CCDC15: variants seen among roughly 807,000 people sequenced by gnomAD.
CCDC15 encodes coiled-coil domain-containing protein 15.
Under a neutral mutation model 114.5 loss-of-function variants are expected in CCDC15, and 105 were observed. That is an observed-to-expected ratio of 0.92 (90% confidence interval 0.78 to 1.08). CCDC15 has a LOEUF of 1.08. Ranked by LOEUF, CCDC15 falls within the 50% of genes least tolerant of loss-of-function variation. The pLI, the probability that CCDC15 is intolerant of heterozygous loss-of-function variation, is 0.00. For synonymous variants in CCDC15, 334 were observed against 377.8 expected (o/e 0.88, Z 1.34); for missense variants, 1,105 against 1,093.6 (o/e 1.01, Z -0.15).
chr11:125,019,131 TG>T (rs891313048), intron 13 of CCDC15, among the ~76,000 whole-genome samples: 4 of 151,948 alleles, frequency 2.6e-5, no homozygotes, highest in Admixed American at 2.0e-4. Flanking sequence ...AGTGGCATCA[TG>T]GGGATAAGAT....
At chr11:125,006,342 T>A (rs539867949) in intron 13 of CCDC15, among the ~76,000 whole-genome samples, 3 of 152,366 alleles carry the variant, frequency 2.0e-5, no homozygotes, top group African/African-American at 7.2e-5. Context: ...CACATGCTTA[T>A]TTGTCATCTG....
At chr11:125,016,413 T>G (rs977634561) in intron 13 of CCDC15, among the ~76,000 whole-genome samples, 1 of 152,146 alleles carries the variant, frequency 6.6e-6, no homozygotes, top group Non-Finnish European at 1.5e-5. Context: ...AAAAAAAATC[T>G]TTATCAAGTT....
chr11:125,007,318 TGA>T (rs1329086131), intron 13 of CCDC15, among the ~76,000 whole-genome samples: 3 of 152,190 alleles, frequency 2.0e-5, no homozygotes, highest in African/African-American at 7.2e-5. Flanking sequence ...CACATGTGAG[TGA>T]GAACATGCGA....
At chr11:125,028,659 TTAC>T (rs1273612146) in intron 13 of CCDC15, among the ~76,000 whole-genome samples, 1 of 152,222 alleles carries the variant, frequency 6.6e-6, no homozygotes, top group Non-Finnish European at 1.5e-5. Flanking sequence ...TCCTGAAACT[TTAC>T]TGAGTTCATT....
At chr11:124,977,779 T>C (rs11219856) in intron 6 of CCDC15, among the ~76,000 whole-genome samples, 179 bp downstream of exon 6, 31,720 of 152,102 alleles carry the variant, frequency 0.21, 4,025 homozygotes, top group African/African-American at 0.35. Context: ...TGGTTTTTAG[T>C]ACTCACAGTT....
At chr11:125,036,615 A>T (rs934585375) in intron 13 of CCDC15, among the ~76,000 whole-genome samples, 2 of 152,092 alleles carry the variant, frequency 1.3e-5, no homozygotes, top group African/African-American at 2.4e-5. Flanking sequence ...GCCCTTTTGA[A>T]GTTACTTTCT....
intron 6 of CCDC15, among the ~76,000 whole-genome samples, chr11:124,978,479 G>C (rs1214340559): frequency 6.6e-6 from 1 of 152,138 alleles, no homozygotes; most frequent in Non-Finnish European, 1.5e-5. Flanking sequence ...ATTCCCCTTA[G>C]TGGTGTATAA....
chr11:125,012,423 GATAA>G (rs1431679487), intron 13 of CCDC15, among the ~76,000 whole-genome samples: 1 of 152,148 alleles, frequency 6.6e-6, no homozygotes, highest in African/African-American at 2.4e-5. Context: ...ATGATACAAA[GATAA>G]ATAAAATTCA....
At chr11:124,995,835 CCTT>C (rs931067202) in intron 11 of CCDC15, among the ~76,000 whole-genome samples, 25 of 151,708 alleles carry the variant, frequency 1.6e-4, no homozygotes, top group Non-Finnish European at 3.4e-4. Flanking sequence ...AGCCTTTTCT[CCTT>C]TTTTTTTTTT....
In CCDC15 at chr11:124,986,700, T is replaced by TGC. The variant is rs1555068495; in HGVS notation, c.754-30_754-29dup. On this transcript the variant is annotated intron_variant, in intron 6 of 15. Transcript: ENST00000344762. ...GTGTGTGTGTGTGTGTTTGTGTGTG[T>TGC]GCGCGCGCGCGCGTGCGCGTTTTCA... 1,660 of 1,351,344 alleles carry TGC rather than the reference T, an allele frequency of 1.2e-3. 16 individuals carry two copies. The highest frequency in any genetic ancestry group is 0.011 in the African/African-American group (684 of 61,442). The allele number at this position is 1,351,344 out of a possible 1,614,324, so 83.7% of individuals were successfully genotyped here.
chr11:124,955,271 A>T (rs921816261), intron 2 of CCDC15, among the ~76,000 whole-genome samples: 17 of 152,220 alleles, frequency 1.1e-4, no homozygotes, highest in Admixed American at 5.9e-4. Context: ...AGTATGGATG[A>T]TAGTTGGCAT....
intron 14 of CCDC15, 153 bp from the exon 15 acceptor site, chr11:125,038,768 G>C: frequency 8.6e-7 from 1 of 1,160,838 alleles, no homozygotes; most frequent in Non-Finnish European, 1.2e-6. Flanking sequence ...TACTTCTTGG[G>C]TGTAGCCCTG....
chr11:124,988,556 G>A lies in CCDC15; in HGVS notation c.1908+422G>A, dbSNP rs550974351. Reference sequence around the variant, plus strand: ...GGCTGTGGAAGTTACTTAAGATGATGAAGTTTGCCACATCATTTGACTCTT... The same window carrying A: ...GGCTGTGGAAGTTACTTAAGATGATAAAGTTTGCCACATCATTTGACTCTT... On this transcript the variant is annotated intron_variant, in intron 8 of 15. Transcript: ENST00000344762. 9.9e-5 allele frequency among the ~76,000 whole-genome samples: 15 copies of A among 152,274 alleles called. No homozygotes were observed. The South Asian group carries it at 2.1e-3, about 21-fold the overall frequency.
intron 13 of CCDC15, among the ~76,000 whole-genome samples, chr11:125,028,547 CT>C (rs1948719624): frequency 6.6e-6 from 1 of 151,974 alleles, no homozygotes; most frequent in South Asian, 2.1e-4. Context: ...GTTTTTGCCA[CT>C]GTTGTGAAAG....
At chr11:125,012,811 T>G (rs777019689) in intron 13 of CCDC15, among the ~76,000 whole-genome samples, 4 of 152,190 alleles carry the variant, frequency 2.6e-5, no homozygotes, top group African/African-American at 9.7e-5. Flanking sequence ...GAAAACTTAC[T>G]ACATGCCAGG....
intron 4 of CCDC15, among the ~76,000 whole-genome samples, chr11:124,960,865 G>T (rs929990586): frequency 6.6e-6 from 1 of 152,060 alleles, no homozygotes; most frequent in Non-Finnish European, 1.5e-5. Context: ...TGTATTACTA[G>T]AAATAATGAG....
Position 125,005,109 on chromosome 11 carries a change from C to A in CCDC15, c.2308C>A (p.Arg770Ser). 1 of 1,410,608 alleles carries A rather than the reference C, an allele frequency of 7.1e-7. No individual in the cohort carries two copies. Among genetic ancestry groups the A allele is most frequent in the Non-Finnish European group, 9.6e-7 (1 of 1,036,328 alleles). The allele number at this position is 1,410,608 out of a possible 1,614,324, so 87.4% of individuals were successfully genotyped here. A position where few individuals can be genotyped will look rare whatever the true frequency, so the allele number is the denominator to read the frequency against. ...AGTAATTTTAACTTCTTACCTTTAGCGTCAAAAGCAGTACCTGAGACATAG... is the reference window on the plus strand; with the variant it reads ...AGTAATTTTAACTTCTTACCTTTAGAGTCAAAAGCAGTACCTGAGACATAG... The part of the protein sequence containing the change: ...DVDKEEDKKE[R>S]QKQYLRHRRL... The change falls in exon 13 of 16, where the codon CGT (arginine) becomes AGT (serine). Residue 770 changes from arginine (R) to serine (S), a missense_variant and splice_region_variant. Arg to Ser is a moderately radical substitution (Grantham distance 110, BLOSUM62 -1). Coordinates refer to ENST00000344762, the MANE Select transcript of CCDC15 (RefSeq NM_025004.3).
intron 2 of CCDC15, among the ~76,000 whole-genome samples, chr11:124,955,359 G>A (rs1947530783): frequency 6.6e-6 from 1 of 152,184 alleles, no homozygotes; most frequent in East Asian, 1.9e-4. Flanking sequence ...TGGAGTAATA[G>A]AATAAAGGAG....
At chr11:124,995,655 A>G (rs1168662792) in intron 11 of CCDC15, among the ~76,000 whole-genome samples, 2 of 152,148 alleles carry the variant, frequency 1.3e-5, no homozygotes, top group African/African-American at 4.8e-5. Context: ...TGATACATAA[A>G]CATAATTATG....
Sources: gnomAD v4.1 joint callset for allele counts (sites outside exome capture counted in the v4.1 genomes callset) on GRCh38, gnomAD v4.1.1 for gene constraint, MANE v1.5 for transcripts, NCBI Gene and HGNC (gene_info 2026-07-23, HGNC 2026-07-21) for gene names.